SANBR: variants seen among roughly 807,000 people sequenced by gnomAD.
SANBR encodes the protein SANT and BTB domain regulator of class switch recombination.
Under a neutral mutation model 101.8 loss-of-function variants are expected in SANBR, and 77 were observed. The observed-to-expected ratio is 0.76, with a 90% confidence interval of 0.63 to 0.91. SANBR has a LOEUF of 0.91. Ranked by LOEUF, SANBR falls within the 40% of genes least tolerant of loss-of-function variation. The pLI is 0.00. For synonymous variants in SANBR, 279 were observed against 274.7 expected, an observed-to-expected ratio of 1.02 and a Z score of -0.15; for missense variants, 875 against 853.0, an observed-to-expected ratio of 1.03 and a Z score of -0.32.
chr2:61,078,961 C>T (rs1681941447), intron 6 of SANBR, among the ~76,000 whole-genome samples: 1 of 151,930 alleles, frequency 6.6e-6, no homozygotes, highest in African/African-American at 2.4e-5. Flanking sequence ...ATTGCACGAG[C>T]CCATGAGGCA....
At chr2:61,112,405 T>G (rs1683872860) in intron 16 of SANBR, among the ~76,000 whole-genome samples, 1 of 152,244 alleles carries the variant, frequency 6.6e-6, no homozygotes, top group Admixed American at 6.5e-5. Flanking sequence ...ATTGTAAGAT[T>G]TCTTTGTATA....
At chr2:61,130,224 T>A (rs897533957) in intron 20 of SANBR, among the ~76,000 whole-genome samples, 1 of 152,124 alleles carries the variant, frequency 6.6e-6, no homozygotes, top group Non-Finnish European at 1.5e-5. Context: ...ATTTCCTCAG[T>A]TGTTGCTCCA....
chr2:61,109,210 T>G lies in SANBR; in HGVS notation c.1658T>G (p.Leu553Arg). Residue 553 changes from leucine to arginine, a missense_variant, in exon 16 of 22, where the codon CTG becomes CGG. By Grantham distance (102) the Leu-to-Arg change is moderately radical. Transcript: ENST00000402291. ...TTTTTAACTTAGAAACAACAGTCAC[T>G]GTTTTCAGAAGAAGAAGAATATACC... ...NWTLQLKQQS[L>R]FSEEEEYTTG... The G allele has an allele frequency of 6.7e-7, 1 of 1,503,172 alleles. No homozygotes were observed. The allele number at this position is 1,503,172 out of a possible 1,614,324, so 93.1% of individuals were successfully genotyped here.
chr2:61,085,407 T>A (rs980943424), intron 8 of SANBR, among the ~76,000 whole-genome samples: 1 of 152,184 alleles, frequency 6.6e-6, no homozygotes, highest in African/African-American at 2.4e-5. Context: ...TTTCCCCCAC[T>A]GAATTGCACT....
In SANBR at chr2:61,103,579, C is replaced by T. The variant is rs543308468; in HGVS notation, c.1366-274C>T. On this transcript the variant is annotated intron_variant, in intron 12 of 21. Transcript: ENST00000402291. ...GGTTACCTGTTGGGAGGAGGGAAAC[C>T]GTTATGATCAGAATTGGGCCTGTGG... Among the ~76,000 whole-genome samples the T allele has an allele frequency of 4.6e-5, 7 of 152,176 alleles. No homozygotes were observed. The East Asian group carries it at 1.2e-3, about 25-fold the overall frequency.
intron 20 of SANBR, among the ~76,000 whole-genome samples, chr2:61,129,368 T>C (rs1408413509): frequency 6.6e-6 from 1 of 151,056 alleles, no homozygotes; most frequent in East Asian, 1.9e-4. Context: ...CACTTGAACC[T>C]GGAAGGCAGA....
intron 21 of SANBR, chr2:61,134,417 T>A: frequency 1.3e-6 from 1 of 798,420 alleles, no homozygotes; most frequent in Non-Finnish European, 1.9e-6. Flanking sequence ...TGCTGCCTAT[T>A]GAAATTGTTC....
chr2:61,088,668 G>C (rs1682584976), intron 10 of SANBR, 200 bp downstream of exon 10: 1 of 337,334 alleles, frequency 3.0e-6, no homozygotes, highest in South Asian at 8.2e-5. Flanking sequence ...CTACAGGCGT[G>C]TGCCACCACA....
At chr2:61,080,996 T>C (rs1490077134) in intron 6 of SANBR, among the ~76,000 whole-genome samples, 1 of 152,212 alleles carries the variant, frequency 6.6e-6, no homozygotes, top group Non-Finnish European at 1.5e-5. Flanking sequence ...AGTTTAGGAC[T>C]CTGCAGTAAT....
chr2:61,081,680 G>T (rs1194331393), intron 7 of SANBR, among the ~76,000 whole-genome samples, 170 bp downstream of exon 7: 1 of 151,898 alleles, frequency 6.6e-6, no homozygotes, highest in Non-Finnish European at 1.5e-5. Context: ...ACAGAGTCTC[G>T]CTCTGTCACC....
At chr2:61,135,186 G>A (rs552399558) in intron 21 of SANBR, among the ~76,000 whole-genome samples, 9 of 152,170 alleles carry the variant, frequency 5.9e-5, no homozygotes, top group Non-Finnish European at 1.3e-4. Flanking sequence ...TTTAATCATG[G>A]CACTTTTATG....
At chr2:61,133,180 A>T (rs1318013721) in intron 20 of SANBR, among the ~76,000 whole-genome samples, 2 of 152,066 alleles carry the variant, frequency 1.3e-5, no homozygotes, top group Non-Finnish European at 2.9e-5. Context: ...TGAACCTAGG[A>T]GGTGGAGGTT....
At chr2:61,090,381 G>T (rs1472109807) in intron 10 of SANBR, 1 of 151,850 alleles carries the variant, frequency 6.6e-6, no homozygotes, top group Non-Finnish European at 1.5e-5. Flanking sequence ...TGTGAAAAAA[G>T]TAATTGATAC....
At chr2:61,116,750 T>TA (rs999453397) in intron 17 of SANBR, among the ~76,000 whole-genome samples, 5 of 151,366 alleles carry the variant, frequency 3.3e-5, no homozygotes, top group South Asian at 2.1e-4. Flanking sequence ...GGGTTAATTC[T>TA]AAAAAAAAAT....
chr2:61,112,701 C>T (rs1437846801), intron 16 of SANBR, among the ~76,000 whole-genome samples: 1 of 152,126 alleles, frequency 6.6e-6, no homozygotes, highest in African/African-American at 2.4e-5. Flanking sequence ...GCCATGTTGG[C>T]GGAGCTGGTC....
chr2:61,117,455 T>TACTA lies in SANBR; in HGVS notation c.1866-12_1866-11insACTA. On this transcript the variant is annotated splice_polypyrimidine_tract_variant and intron_variant, in intron 18 of 21. Transcript: ENST00000402291. The stretch of plus-strand genomic sequence containing the variant: ...AGCATCAATGCTGATTTTTGTTCAA[T>TACTA]TTTTTCAATAGTATGAGTATGCAGA... 6.2e-7 allele frequency: 1 copy of TACTA among 1,613,730 alleles called. No individual in the cohort carries two copies. The highest frequency in any genetic ancestry group is 1.1e-5 in the South Asian group (1 of 91,082).
At chr2:61,076,462 A>C (rs1281751804) in intron 5 of SANBR, among the ~76,000 whole-genome samples, 1 of 20,794 alleles carries the variant, frequency 4.8e-5, no homozygotes, top group African/African-American at 1.3e-3. Flanking sequence ...CTAAAAATAC[A>C]AAAAAAAAAA....
chr2:61,098,301 G>A (rs934706451), intron 12 of SANBR, among the ~76,000 whole-genome samples: 8 of 151,732 alleles, frequency 5.3e-5, no homozygotes, highest in Admixed American at 6.6e-5. Flanking sequence ...ACAGGGTTTC[G>A]CCATGTTGCC....
chr2:61,112,746 G>A (rs1041991935), intron 16 of SANBR, among the ~76,000 whole-genome samples: 2 of 152,106 alleles, frequency 1.3e-5, no homozygotes, highest in East Asian at 3.8e-4. Context: ...CGCCTGCCTC[G>A]GCCTCCCAAC....
Sources: gnomAD v4.1 joint callset for allele counts (sites outside exome capture counted in the v4.1 genomes callset) on GRCh38, gnomAD v4.1.1 for gene constraint, MANE v1.5 for transcripts, NCBI Gene and HGNC (gene_info 2026-07-23, HGNC 2026-07-21) for gene names.